The following NFKBID variants were observed in gnomAD, a reference collection of about 807,000 sequenced individuals.
NFKBID encodes NF-kappa-B inhibitor delta.
A neutral mutation model predicts 53.4 loss-of-function variants in NFKBID; 26 were observed. That is an observed-to-expected ratio of 0.49 (90% confidence interval 0.36 to 0.68). NFKBID has a LOEUF of 0.68. Ranked by LOEUF, NFKBID falls within the 30% of genes least tolerant of loss-of-function variation. The probability of loss-of-function intolerance (pLI) is 0.00; values close to 1 mark genes in which losing one functional copy is unlikely to be tolerated. For synonymous variants in NFKBID, 262 were observed against 259.8 expected (o/e 1.01, Z -0.08); for missense variants, 493 against 614.1 (o/e 0.80, Z 2.08).
chr19:35,894,288 T>C (rs573251604), intron 9 of NFKBID, among the ~76,000 whole-genome samples: 180 of 151,658 alleles, frequency 1.2e-3, no homozygotes, highest in Admixed American at 4.7e-3. Context: ...TTTGTGGATG[T>C]TTAATTCTCT....
chr19:35,900,750 A>G, upstream of NFKBID: 3 of 699,564 alleles, frequency 4.3e-6, no homozygotes, highest in Non-Finnish European at 5.9e-6. Flanking sequence ...GAAGGAGCCT[A>G]GGGCACCGGG....
At chr19:35,891,559 T>C (rs1974762500) in intron 9 of NFKBID, among the ~76,000 whole-genome samples, 1 of 152,198 alleles carries the variant, frequency 6.6e-6, no homozygotes, top group East Asian at 1.9e-4. Flanking sequence ...AGAGCAATGA[T>C]ACTGAGGTTT....
intron 9 of NFKBID, chr19:35,890,700 C>CA (rs1568485695): frequency 3.3e-6 from 2 of 609,586 alleles, no homozygotes; most frequent in Admixed American, 2.3e-5. Flanking sequence ...CTCATCTCTA[C>CA]AAAAAATAGA....
At position 35,897,022 on chromosome 19, in the gene NFKBID, G is replaced by T. The variant is rs758603817; in HGVS notation, c.469C>A (p.Pro157Thr). The T allele has an allele frequency of 6.2e-6, 10 of 1,605,094 alleles. No homozygotes were observed. In the African/African-American group the frequency reaches 8.1e-5, roughly 13 times the overall value. Residue 157 changes from proline (P) to threonine (T), a missense_variant, in exon 5 of 12, where the codon CCC becomes ACC. Pro to Thr is a conservative substitution (Grantham distance 38). Transcript: ENST00000641389. ...GGGACCACAGCGGGGAACTGTGGGG[G>T]TCCTGAAGGGGGTGCAGAAACTCTC...
At chr19:35,890,086 C>A in intron 10 of NFKBID, 32 bp from the exon 11 acceptor site, 1 of 1,570,598 alleles carries the variant, frequency 6.4e-7, no homozygotes. Flanking sequence ...TGGTGGGGAT[C>A]TGGGCTCAGC....
At chr19:35,890,088 G>A in intron 10 of NFKBID, 34 bp from the exon 11 acceptor site, 2 of 1,570,602 alleles carry the variant, frequency 1.3e-6, no homozygotes, top group Non-Finnish European at 1.7e-6. Context: ...GTGGGGATCT[G>A]GGCTCAGCTG....
intron 9 of NFKBID, among the ~76,000 whole-genome samples, chr19:35,890,909 C>T (rs1974721889): frequency 6.6e-6 from 1 of 152,130 alleles, no homozygotes; most frequent in South Asian, 2.1e-4. Context: ...CTTCTGCGAG[C>T]CCCACCAAGA....
intron 9 of NFKBID, 30 bp downstream of exon 9, chr19:35,895,950 C>T: frequency 6.3e-7 from 1 of 1,599,040 alleles, no homozygotes; most frequent in East Asian, 2.2e-5. Context: ...CACAATCTCC[C>T]AGGGTCTGAC....
upstream of NFKBID, among the ~76,000 whole-genome samples, chr19:35,901,110 G>A (rs1041099524): frequency 6.6e-6 from 1 of 152,044 alleles, no homozygotes; most frequent in Non-Finnish European, 1.5e-5. Context: ...TGGGATTACA[G>A]GCTTGAGCCA....
At chr19:35,898,662 C>G (rs1341227370) in intron 2 of NFKBID, 57 bp downstream of exon 2, 6 of 1,482,610 alleles carry the variant, frequency 4.0e-6, no homozygotes, top group Middle Eastern at 1.7e-4. Context: ...CGGCAAGCCG[C>G]TGAGTCCCTA....
Position 35,890,591 on chromosome 19 carries a change from C to T in NFKBID, c.1033-101G>A, listed in dbSNP as rs571229647. 2.1e-4 allele frequency: 175 copies of T among 826,944 alleles called. 1 individual carries two copies. The African/African-American group carries it at 2.3e-3, about 11-fold the overall frequency. 51.2% of individuals were successfully genotyped at this position (826,944 alleles called of 1,614,324 possible). Reference sequence around the variant, plus strand: ...AAAGACCCTGACCCTTGGCGGAGTGCGGTGGTTCACGCCTGTAATCCTAGC... The same window carrying T: ...AAAGACCCTGACCCTTGGCGGAGTGTGGTGGTTCACGCCTGTAATCCTAGC... On this transcript the variant is annotated intron_variant, in intron 9 of 11. Coordinates refer to ENST00000641389, the Ensembl canonical transcript of NFKBID.
chr19:35,900,012 G>A (rs1429627741), intron 1 of NFKBID, among the ~76,000 whole-genome samples: 1 of 127,350 alleles, frequency 7.9e-6, no homozygotes, highest in Non-Finnish European at 1.6e-5. Flanking sequence ...CGCCAGCGTA[G>A]ACCCTGAGGC....
At chr19:35,888,208 AG>A (rs1302335418), downstream of NFKBID, 2 of 265,074 alleles carry the variant, frequency 7.5e-6, no homozygotes, top group South Asian at 4.2e-5. Flanking sequence ...AGCACCACGT[AG>A]GGGGATTACA....
chr19:35,897,575 A>T, intron 4 of NFKBID, 76 bp downstream of exon 4: 1 of 769,492 alleles, frequency 1.3e-6, no homozygotes, highest in Non-Finnish European at 2.3e-6. Context: ...AGCTCCAGAC[A>T]TCTCAGAATA....
chr19:35,890,685 A>G (rs751268585), intron 9 of NFKBID, 195 bp from the exon 10 acceptor site: 6 of 654,974 alleles, frequency 9.2e-6, no homozygotes, highest in South Asian at 7.5e-5. Flanking sequence ...ACAACACAGC[A>G]AGACCTCATC....
Position 35,896,630 on chromosome 19 carries a change from C to A in NFKBID, c.685-92G>T. 1 of 1,339,192 alleles carries A rather than the reference C, an allele frequency of 7.5e-7. No individual in the cohort carries two copies. The allele number at this position is 1,339,192 out of a possible 1,614,324, so 83.0% of individuals were successfully genotyped here. On this transcript the variant is annotated intron_variant, in intron 6 of 11. Transcript: ENST00000641389. This position sits in a 1 kb window ranked among gnomAD's most constrained non-coding sequence, Gnocchi z 5.7. ...CCCCATCCCCCCTCAGCCCCAGGAG[C>A]TCACCCCCCATTCCCCTCTTCTCTA...
At position 35,888,660 on chromosome 19, in the gene NFKBID, G is replaced by A. The variant is rs1056489427; in HGVS notation, c.1315-48C>T. ...AGAGAAGTCTGTCAGGTTGGAAGGA[G>A]AGGTGGGGAAGGCACGCCATGCAGA... On this transcript the variant is annotated intron_variant, in intron 11 of 11. Transcript: ENST00000641389. The A allele has an allele frequency of 5.4e-6, 8 of 1,480,192 alleles. No homozygotes were observed. In the African/African-American group the frequency reaches 1.1e-4, roughly 21 times the overall value. The allele number at this position is 1,480,192 out of a possible 1,614,324, so 91.7% of individuals were successfully genotyped here.
At position 35,895,968 on chromosome 19, in the gene NFKBID, AT is replaced by A. The variant is rs766271652; in HGVS notation, c.1032+11del. ...AATCTCCCAGGGTCTGACCGCCCACATCCCCGCTCACCTGGCTGGTGTGATT... is the reference window on the plus strand; with the variant it reads ...AATCTCCCAGGGTCTGACCGCCCACACCCCGCTCACCTGGCTGGTGTGATT... On this transcript the variant is annotated intron_variant, in intron 9 of 11. Transcript: ENST00000641389. 3 of 1,609,552 alleles carry A rather than the reference AT, an allele frequency of 1.9e-6. No individual in the cohort carries two copies. The East Asian group carries it at 6.7e-5, about 36-fold the overall frequency.
chr19:35,894,453 T>C (rs777172668), intron 9 of NFKBID, among the ~76,000 whole-genome samples: 3 of 152,040 alleles, frequency 2.0e-5, no homozygotes, highest in Non-Finnish European at 1.5e-5. Context: ...ACAACTGTAA[T>C]CCCAGCACTT....
Sources: gnomAD v4.1 joint callset for allele counts (sites outside exome capture counted in the v4.1 genomes callset) on GRCh38, gnomAD v4.1.1 for gene constraint, Gnocchi (gnomAD v3.1) non-coding constraint, MANE v1.5 for transcripts, NCBI Gene and HGNC (gene_info 2026-07-23, HGNC 2026-07-21) for gene names.